Variants in COG5 observed in about 807,000 individuals in gnomAD.
COG5 encodes the protein component of oligomeric golgi complex 5.
COG5 carries 86 observed loss-of-function variants against 110.4 expected under a neutral mutation model. That is an observed-to-expected ratio of 0.78 (90% confidence interval 0.65 to 0.93). The LOEUF (loss-of-function observed/expected upper bound fraction) is 0.93, where lower values mean the gene tolerates loss of function less well. COG5 is among the 40% of genes least tolerant of loss of function. COG5 has a pLI of 0.00. For missense variants in COG5, 1,077 were observed against 987.0 expected (o/e 1.09, Z -1.22); for synonymous variants, 360 against 334.6 (o/e 1.08, Z -0.83).
chr7:107,409,006 T>C (rs991086218), intron 7 of COG5, among the ~76,000 whole-genome samples: 5 of 151,696 alleles, frequency 3.3e-5, no homozygotes, highest in Non-Finnish European at 5.9e-5. Flanking sequence ...CTTTAACCAA[T>C]ACAAGCATCC....
At position 107,248,435 on chromosome 7, in the gene COG5, T is replaced by G. The variant is rs759664451; in HGVS notation, c.1814A>C (p.Glu605Ala). Reference sequence around the variant, plus strand: ...TTGATGCATGGTGATGATTATGGCCTCTATAGCATCTCCCACAGAAGTGAG... The same window carrying G: ...TTGATGCATGGTGATGATTATGGCCGCTATAGCATCTCCCACAGAAGTGAG... The part of the protein sequence containing the change: ...PLLTSVGDAI[E>A]AIIITMHQED... Residue 605 changes from glutamate (E) to alanine (A), a missense_variant, in exon 17 of 22, where the codon GAG becomes GCG. By Grantham distance (107) the Glu-to-Ala change is moderately radical. Coordinates refer to ENST00000297135, the MANE Select transcript of COG5 (RefSeq NM_006348.5). 4 of 1,612,382 alleles carry G rather than the reference T, an allele frequency of 2.5e-6. No individual in the cohort carries two copies. The highest frequency in any genetic ancestry group is 8.5e-7 in the Non-Finnish European group (1 of 1,179,280).
At chr7:107,561,984 AAAAGAAAG>A (rs1197458283) in intron 1 of COG5, among the ~76,000 whole-genome samples, 6 of 152,116 alleles carry the variant, frequency 3.9e-5, no homozygotes, top group Non-Finnish European at 2.9e-5. Context: ...TCAAAAAAAA[AAAAGAAAG>A]AAAGAAAGAA....
chr7:107,529,113 C>T (rs372006908), intron 5 of COG5, among the ~76,000 whole-genome samples: 3 of 150,424 alleles, frequency 2.0e-5, no homozygotes, highest in Middle Eastern at 3.5e-3. Flanking sequence ...AAATATTATC[C>T]GTTTTCTGAA....
chr7:107,559,591 T>C (rs1266771416), intron 1 of COG5, among the ~76,000 whole-genome samples: 2 of 152,200 alleles, frequency 1.3e-5, no homozygotes, highest in African/African-American at 4.8e-5. Context: ...ATCATTAGTA[T>C]CATTCTGGTA....
intron 7 of COG5, among the ~76,000 whole-genome samples, chr7:107,407,331 G>A (rs138522478): frequency 0.034 from 5,121 of 152,250 alleles, 298 homozygotes; most frequent in African/African-American, 0.12. Context: ...TCAGTGAGCC[G>A]AGATCGTGCC....
At chr7:107,513,206 A>G (rs1799663298) in intron 6 of COG5, among the ~76,000 whole-genome samples, 1 of 152,212 alleles carries the variant, frequency 6.6e-6, no homozygotes, top group Non-Finnish European at 1.5e-5. Context: ...TACAAGAAAA[A>G]AACAGACAAC....
At chr7:107,556,386 G>A (rs564320384) in intron 2 of COG5, among the ~76,000 whole-genome samples, 1 of 152,286 alleles carries the variant, frequency 6.6e-6, no homozygotes, top group Non-Finnish European at 1.5e-5. Context: ...GGGACTCGGA[G>A]ACTTCCTCTA....
intron 6 of COG5, among the ~76,000 whole-genome samples, chr7:107,503,668 C>T (rs575890176): frequency 8.5e-5 from 13 of 152,204 alleles, no homozygotes; most frequent in African/African-American, 2.4e-4. Flanking sequence ...GTGTCATCCA[C>T]GTTTTCTTTC....
chr7:107,423,642 CA>C, intron 6 of COG5, among the ~76,000 whole-genome samples: 1 of 147,632 alleles, frequency 6.8e-6, no homozygotes, highest in South Asian at 2.1e-4. Flanking sequence ...TACCTTAATA[CA>C]AAAACCAAAG....
At chr7:107,415,017 T>C (rs1313669111) in intron 6 of COG5, among the ~76,000 whole-genome samples, 4 of 152,026 alleles carry the variant, frequency 2.6e-5, no homozygotes, top group Non-Finnish European at 5.9e-5. Context: ...TGAGCCACCA[T>C]GCCCGGCCCA....
At chr7:107,361,809 C>T (rs934223830) in intron 10 of COG5, among the ~76,000 whole-genome samples, 2 of 152,222 alleles carry the variant, frequency 1.3e-5, no homozygotes, top group African/African-American at 4.8e-5. Flanking sequence ...ATCCACCCAC[C>T]TTGGCCTCCC....
chr7:107,441,649 C>T (rs1794713810), intron 6 of COG5, among the ~76,000 whole-genome samples: 1 of 152,172 alleles, frequency 6.6e-6, no homozygotes, highest in Admixed American at 6.5e-5. Flanking sequence ...AGTTCAAGTG[C>T]CAGCTCCACA....
intron 7 of COG5, among the ~76,000 whole-genome samples, chr7:107,374,757 A>G (rs1814484795): frequency 3.3e-5 from 5 of 152,056 alleles, no homozygotes; most frequent in Non-Finnish European, 7.4e-5. Flanking sequence ...TACAATATTT[A>G]TAATTCTAGA....
At chr7:107,229,755 A>T (rs983448808) in intron 19 of COG5, among the ~76,000 whole-genome samples, 1 of 151,356 alleles carries the variant, frequency 6.6e-6, no homozygotes, top group African/African-American at 2.4e-5. Flanking sequence ...TTTTTGCTCA[A>T]CTGCATTAGG....
At position 107,474,966 on chromosome 7, in the gene COG5, T is replaced by C. The variant is rs1359243445; in HGVS notation, c.538+52271A>G. The C allele has an allele frequency of 2.5e-6, 4 of 1,612,432 alleles. No homozygotes were observed. Among genetic ancestry groups the C allele is most frequent in the Non-Finnish European group, 2.5e-6 (3 of 1,179,250 alleles). ...TCCGGCGAGCTGTGAAACGACACCG[T>C]GAACGACGAGAAAGACAAAAGAGAG... On this transcript the variant is annotated intron_variant, in intron 6 of 21. Coordinates refer to ENST00000297135, the MANE Select transcript of COG5 (RefSeq NM_006348.5). The surrounding 1 kb of genome is among the most constrained non-coding windows in gnomAD (Gnocchi z 5.7).
chr7:107,359,258 A>G (rs978548043), intron 10 of COG5, among the ~76,000 whole-genome samples: 2 of 152,196 alleles, frequency 1.3e-5, no homozygotes, highest in Non-Finnish European at 2.9e-5. Context: ...TTCACAGCAC[A>G]ACTGAGGCCG....
chr7:107,330,371 G>T (rs1321376087), intron 10 of COG5, among the ~76,000 whole-genome samples: 2 of 152,152 alleles, frequency 1.3e-5, no homozygotes, highest in African/African-American at 4.8e-5. Context: ...AAAAATGTCA[G>T]AACTTTTTAA....
At position 107,449,181 on chromosome 7, in the gene COG5, G is replaced by T. The variant is rs60409988; in HGVS notation, c.539-36549C>A. On this transcript the variant is annotated intron_variant, in intron 6 of 21. Transcript: ENST00000297135. Reference sequence around the variant, plus strand: ...CACACACAGGGGCCTGTCAGAGGGTGGGGGGCAAGGCGAGGGAGAGAATTA... The same window carrying T: ...CACACACAGGGGCCTGTCAGAGGGTTGGGGGCAAGGCGAGGGAGAGAATTA... 3.0e-3 allele frequency among the ~76,000 whole-genome samples: 454 copies of T among 152,194 alleles called. 29 individuals are homozygous for T. In the East Asian group the frequency reaches 0.082, roughly 28 times the overall value.
At chr7:107,275,922 T>C (rs1467438534) in intron 14 of COG5, among the ~76,000 whole-genome samples, 1 of 152,168 alleles carries the variant, frequency 6.6e-6, no homozygotes, top group Non-Finnish European at 1.5e-5. Context: ...TTTTCCATCA[T>C]AGGAATGTCA....
Sources: allele counts gnomAD v4.1 joint callset (sites outside exome capture counted in the v4.1 genomes callset), GRCh38; gene constraint gnomAD v4.1.1; non-coding constraint Gnocchi (gnomAD v3.1); transcripts MANE v1.5; gene names NCBI Gene and HGNC (gene_info 2026-07-23, HGNC 2026-07-21).